The following ITGB1BP1 variants were observed in gnomAD, a reference collection of about 807,000 sequenced individuals.
ITGB1BP1 encodes integrin subunit beta 1 binding protein 1, also known as integrin beta-1-binding protein 1.
In ITGB1BP1, 20 loss-of-function variants were observed where a neutral mutation model predicts 28.0. The ratio of observed to expected loss-of-function variants is 0.71; its 90% confidence interval spans 0.50 to 1.04. The LOEUF is 1.04. ITGB1BP1 is among the 50% of genes least tolerant of loss of function. The pLI, the probability that ITGB1BP1 is intolerant of heterozygous loss-of-function variation, is 0.00. For missense variants in ITGB1BP1, 228 were observed against 242.5 expected (o/e 0.94, Z 0.40); for synonymous variants, 103 against 89.5 (o/e 1.15, Z -0.85).
intron 4 of ITGB1BP1, among the ~76,000 whole-genome samples, chr2:9,410,592 A>G (rs13029000): frequency 0.29 from 43,484 of 152,086 alleles, 7,290 homozygotes; most frequent in Middle Eastern, 0.39. Flanking sequence ...GGCATGCACC[A>G]CCACACCCAG....
rs1225188766 is a variant in ITGB1BP1, at chr2:9,405,298, A to G, written c.*1536T>C. 6.6e-6 allele frequency: 1 copy of G among 152,392 alleles called. No homozygotes were observed. The highest frequency in any genetic ancestry group is 2.4e-5 in the African/African-American group (1 of 41,476). 9.4% of individuals were successfully genotyped at this position (152,392 alleles called of 1,614,324 possible). ...AATTAAAAAAGCAACTAAGAGAAAG[A>G]AAAACATTGTAGATATCTATTTATA... On this transcript the variant is annotated 3_prime_UTR_variant, in exon 7 of 7. Coordinates refer to ENST00000355346, the MANE Select transcript of ITGB1BP1 (RefSeq NM_004763.5).
In ITGB1BP1 at chr2:9,423,518, T is replaced by A; in HGVS notation, c.-181A>T. On this transcript the variant is annotated 5_prime_UTR_variant, in exon 1 of 7. Coordinates refer to ENST00000355346, the MANE Select transcript of ITGB1BP1 (RefSeq NM_004763.5). ...CTGCCCACGTCCGCCGGGCCGCGCC[T>A]CCAAGACTATGCGCAGGCGCAGTCC... 8.4e-7 allele frequency: 1 copy of A among 1,190,870 alleles called. No individual in the cohort carries two copies. Among genetic ancestry groups the A allele is most frequent in the Non-Finnish European group, 1.1e-6 (1 of 922,372 alleles). 73.8% of individuals were successfully genotyped at this position (1,190,870 alleles called of 1,614,324 possible). A position where few individuals can be genotyped will look rare whatever the true frequency, so the allele number is the denominator to read the frequency against.
intron 3 of ITGB1BP1, 95 bp downstream of exon 3, chr2:9,414,083 C>T (rs1678810200): frequency 5.7e-6 from 6 of 1,053,752 alleles, no homozygotes; most frequent in Non-Finnish European, 5.8e-6. Flanking sequence ...GGAAGAAAGC[C>T]ACAAATACTG....
At position 9,414,173 on chromosome 2, in the gene ITGB1BP1, T is replaced by C. The variant is rs562875539; in HGVS notation, c.151+5A>G. Reference sequence around the variant, plus strand: ...GACAATCAATGATCCAACCCTTTTATGTACCTGAGCTTTTGGTGGAATCTG... The same window carrying C: ...GACAATCAATGATCCAACCCTTTTACGTACCTGAGCTTTTGGTGGAATCTG... On this transcript the variant is annotated splice_donor_5th_base_variant and intron_variant, in intron 3 of 6. Transcript: ENST00000355346. 44 of 1,612,364 alleles carry C rather than the reference T, an allele frequency of 2.7e-5. No individual in the cohort carries two copies. Among genetic ancestry groups the C allele is most frequent in the Non-Finnish European group, 3.5e-5 (41 of 1,178,440 alleles).
chr2:9,408,343 G>A (rs1314637807), intron 4 of ITGB1BP1, 138 bp from the exon 5 acceptor site: 2 of 615,178 alleles, frequency 3.3e-6, no homozygotes, highest in Non-Finnish European at 2.9e-6. Flanking sequence ...CCAGGCAAGA[G>A]TCTCTCTCCC....
In ITGB1BP1 at chr2:9,405,719, T is replaced by C. The variant is rs1677182387; in HGVS notation, c.*1115A>G. ...AATGTTTTTAATCTTTAAAGTTTTG[T>C]ATATTGACAGTCCTTTAAAAAAAGT... On this transcript the variant is annotated 3_prime_UTR_variant, in exon 7 of 7. Transcript: ENST00000355346. 6.6e-6 allele frequency: 1 copy of C among 152,294 alleles called. No homozygotes were observed. Among genetic ancestry groups the C allele is most frequent in the African/African-American group, 2.4e-5 (1 of 41,446 alleles). The allele number at this position is 152,294 out of a possible 1,614,324, so 9.4% of individuals were successfully genotyped here. A position where few individuals can be genotyped will look rare whatever the true frequency, so the allele number is the denominator to read the frequency against.
chr2:9,418,626 C>G lies in ITGB1BP1; in HGVS notation c.72G>C (p.Lys24Asn). 1 of 1,599,472 alleles carries G rather than the reference C, an allele frequency of 6.3e-7. No individual in the cohort carries two copies. Among genetic ancestry groups the G allele is most frequent in the Non-Finnish European group, 8.6e-7 (1 of 1,166,662 alleles). ...TCTGTTCCAAATTCCATTTCCCTAC[C>G]TTGCTCTTAGTACTGATTTCGCTAC... ...SQSSEISTKSKSVDSSLGGLS... is the reference protein window; with the variant it reads ...SQSSEISTKSNSVDSSLGGLS... The change falls in exon 2 of 7, where the codon AAG becomes AAC. Residue 24 changes from lysine (K) to asparagine (N), a missense_variant and splice_region_variant. Physicochemically the swap from Lys to Asn is moderately conservative, Grantham distance 94. Transcript: ENST00000355346.
At chr2:9,420,130 C>T (rs529307186) in intron 1 of ITGB1BP1, 5 of 734,156 alleles carry the variant, frequency 6.8e-6, no homozygotes, top group East Asian at 1.3e-4. Context: ...GAGCAACTCA[C>T]GCAGCAGTCA....
intron 6 of ITGB1BP1, 183 bp from the exon 7 acceptor site, chr2:9,407,088 C>T (rs546927506): frequency 3.8e-4 from 237 of 617,586 alleles, no homozygotes; most frequent in African/African-American, 3.7e-3. Context: ...CCTTTCTGCC[C>T]TCCTTCAGAG....
chr2:9,407,516 A>G lies in ITGB1BP1; in HGVS notation c.464T>C (p.Leu155Pro). 6.2e-7 allele frequency: 1 copy of G among 1,614,204 alleles called. No individual in the cohort carries two copies. Among genetic ancestry groups the G allele is most frequent in the Non-Finnish European group, 8.5e-7 (1 of 1,180,024 alleles). Residue 155 changes from leucine to proline, a missense_variant, in exon 6 of 7, where the codon CTG becomes CCG. Leu to Pro is a moderately conservative substitution (Grantham distance 98). Coordinates refer to ENST00000355346, the MANE Select transcript of ITGB1BP1 (RefSeq NM_004763.5). ...GCTTGCATCTGTGGTCTTCAGAGCCAGTAAGCTTTTTCCCGCCCCCAGACC... is the reference window on the plus strand; with the variant it reads ...GCTTGCATCTGTGGTCTTCAGAGCCGGTAAGCTTTTTCCCGCCCCCAGACC... The part of the protein sequence containing the change: ...DDGLGAGKSL[L>P]ALKTTDASNE...
chr2:9,408,590 A>G (rs1057400307), intron 4 of ITGB1BP1, among the ~76,000 whole-genome samples: 4 of 152,238 alleles, frequency 2.6e-5, no homozygotes, highest in Admixed American at 6.5e-5. Flanking sequence ...TCCACCCACC[A>G]TAACCTCCCA....
chr2:9,418,755 C>A, intron 1 of ITGB1BP1, 23 bp from the exon 2 acceptor site: 14 of 1,411,936 alleles, frequency 9.9e-6, no homozygotes, highest in African/African-American at 1.4e-5. Flanking sequence ...ATATTGGTAA[C>A]AGTTACATCG....
rs1158077141 is a variant in ITGB1BP1 at position 9,412,357 on chromosome 2, T to G, written c.200A>C (p.Tyr67Ser). 2.5e-6 allele frequency: 4 copies of G among 1,612,458 alleles called. No homozygotes were observed. Among genetic ancestry groups the G allele is most frequent in the Non-Finnish European group, 3.4e-6 (4 of 1,179,060 alleles). Reference protein sequence around the residue: ...SDTCAEFRIKYVGAIEKLKLS... With the variant: ...SDTCAEFRIKSVGAIEKLKLS... The stretch of plus-strand genomic sequence containing the variant: ...TTTCAGTTTCTCAATGGCACCAACA[T>G]ATTTTATTCGAAATTCTGCACAGGT... The change falls in exon 4 of 7, where the codon TAT (tyrosine) becomes TCT (serine). Residue 67 changes from tyrosine (Y) to serine (S), a missense_variant. Tyr to Ser is a moderately radical substitution (Grantham distance 144). This residue lies in a region of ITGB1BP1 where 192 missense variants were observed against 181.6 expected (regional missense o/e 1.06). Coordinates refer to ENST00000355346, the MANE Select transcript of ITGB1BP1 (RefSeq NM_004763.5).
chr2:9,409,841 C>CTTTTTTTTTTTT (rs1036594187), intron 4 of ITGB1BP1, among the ~76,000 whole-genome samples: 1 of 123,164 alleles, frequency 8.1e-6, no homozygotes, highest in Admixed American at 8.6e-5. Context: ...ACCGTGAGTT[C>CTTTTTTTTTTTT]TTTTTTTTTT....
At position 9,405,779 on chromosome 2, in the gene ITGB1BP1, T is replaced by C. The variant is rs1195472904; in HGVS notation, c.*1055A>G. On this transcript the variant is annotated 3_prime_UTR_variant, in exon 7 of 7. Coordinates refer to ENST00000355346, the MANE Select transcript of ITGB1BP1 (RefSeq NM_004763.5). ...TACTGTACATGGGATCTTTACATAC[T>C]TTTAGCATGAGCGGTAATCTTTTAA... is the stretch of plus-strand genomic sequence containing the variant. 1 of 152,248 alleles carries C rather than the reference T, an allele frequency of 6.6e-6. No homozygotes were observed. The highest frequency in any genetic ancestry group is 2.4e-5 in the African/African-American group (1 of 41,462). The allele number at this position is 152,248 out of a possible 1,614,324, so 9.4% of individuals were successfully genotyped here. A position where few individuals can be genotyped will look rare whatever the true frequency, so the allele number is the denominator to read the frequency against.
At chr2:9,420,154 C>T in intron 1 of ITGB1BP1, 1 of 482,816 alleles carries the variant, frequency 2.1e-6, no homozygotes, top group Non-Finnish European at 2.7e-6. Flanking sequence ...AAAGCTCCTG[C>T]TGCAACCCAA....
At chr2:9,407,090 C>G (rs1677540110) in intron 6 of ITGB1BP1, 185 bp from the exon 7 acceptor site, 1 of 614,700 alleles carries the variant, frequency 1.6e-6, no homozygotes, top group African/African-American at 1.8e-5. Context: ...TTTCTGCCCT[C>G]CTTCAGAGGA....
At chr2:9,422,368 T>C in intron 1 of ITGB1BP1, 1 of 978,652 alleles carries the variant, frequency 1.0e-6, no homozygotes, top group Non-Finnish European at 1.2e-6. Context: ...CACAGTTCAT[T>C]GATCTCAGCA....
Position 9,414,194 on chromosome 2 carries a change from A to G in ITGB1BP1, c.135T>C (p.Asp45=). Residue 45 remains aspartate (D), a synonymous_variant, in exon 3 of 7, where the codon GAT becomes GAC. Coordinates refer to ENST00000355346, the MANE Select transcript of ITGB1BP1 (RefSeq NM_004763.5). ...RSSTVASLDT[D]STKSSGQSNN... The stretch of plus-strand genomic sequence containing the variant: ...TTTATGTACCTGAGCTTTTGGTGGA[A>G]TCTGTGTCGAGGCTGGCCACAGTGC... 6.2e-7 allele frequency: 1 copy of G among 1,613,908 alleles called. No individual in the cohort carries two copies. Among genetic ancestry groups the G allele is most frequent in the South Asian group, 1.1e-5 (1 of 91,084 alleles).
Sources: allele counts gnomAD v4.1 joint callset (sites outside exome capture counted in the v4.1 genomes callset), GRCh38; gene constraint gnomAD v4.1.1; regional missense constraint gnomAD v4.1.1; transcripts MANE v1.5; gene names NCBI Gene and HGNC (gene_info 2026-07-23, HGNC 2026-07-21).